The following LUZP2 variants were observed in gnomAD, a reference collection of about 807,000 sequenced individuals.
LUZP2 encodes the protein leucine zipper protein 2.
In LUZP2, 52 loss-of-function variants were observed where a neutral mutation model predicts 51.6. The observed-to-expected ratio is 1.01, with a 90% CI of 0.81 to 1.27. The LOEUF (loss-of-function observed/expected upper bound fraction) is 1.27, where lower values mean the gene tolerates loss of function less well. Among genes scored for constraint, LUZP2 ranks in the 50% most tolerant of loss-of-function variants. The pLI is 0.00. For synonymous variants in LUZP2, 154 were observed against 137.3 expected, an observed-to-expected ratio of 1.12 and a Z score of -0.85; for missense variants, 436 against 395.4, an observed-to-expected ratio of 1.10 and a Z score of -0.87.
At chr11:24,978,618 G>T (rs1450825017) in intron 8 of LUZP2, among the ~76,000 whole-genome samples, 2 of 151,594 alleles carry the variant, frequency 1.3e-5, no homozygotes, top group African/African-American at 4.8e-5. Flanking sequence ...CTAGGTACAA[G>T]GGAAAATAGA....
chr11:24,985,229 C>T (rs1357379526), intron 9 of LUZP2, among the ~76,000 whole-genome samples: 2 of 151,482 alleles, frequency 1.3e-5, no homozygotes, highest in African/African-American at 4.8e-5. Context: ...AGATTGCAGC[C>T]TAATTTTCTG....
At chr11:24,631,932 G>A (rs1854907410) in intron 1 of LUZP2, among the ~76,000 whole-genome samples, 1 of 151,966 alleles carries the variant, frequency 6.6e-6, no homozygotes, top group African/African-American at 2.4e-5. Context: ...TGAATATAAT[G>A]TACCAATTAC....
intron 1 of LUZP2, among the ~76,000 whole-genome samples, chr11:24,561,521 G>A (rs747467563): frequency 6.6e-6 from 1 of 152,036 alleles, no homozygotes. Flanking sequence ...GCAGGAACAT[G>A]GATAAAGCTG....
chr11:24,895,803 T>C (rs1853023702), intron 5 of LUZP2, among the ~76,000 whole-genome samples: 1 of 152,166 alleles, frequency 6.6e-6, no homozygotes, highest in South Asian at 2.1e-4. Context: ...AACATGTGAG[T>C]GCATGTGTCT....
chr11:24,621,912 A>G (rs1854507716), intron 1 of LUZP2, among the ~76,000 whole-genome samples: 1 of 151,532 alleles, frequency 6.6e-6, no homozygotes, highest in Non-Finnish European at 1.5e-5. Context: ...TTCTCTTTAC[A>G]TACAGTTTCT....
intron 1 of LUZP2, among the ~76,000 whole-genome samples, chr11:24,715,245 C>T (rs1857991682): frequency 7.1e-6 from 1 of 141,796 alleles, no homozygotes; most frequent in Non-Finnish European, 1.5e-5. Context: ...ATTATGGTAT[C>T]CAATTCAAGG....
rs752500955 is a variant in LUZP2 at position 24,554,983 on chromosome 11, A to G, written c.62+57678A>G. On this transcript the variant is annotated intron_variant, in intron 1 of 11. Transcript: ENST00000336930. ...CTATGGTGTCTTGAGGCATGAAGGCATGAAGTACTGCATTCATGTCAAAGG... is the reference window on the plus strand; with the variant it reads ...CTATGGTGTCTTGAGGCATGAAGGCGTGAAGTACTGCATTCATGTCAAAGG... Among the ~76,000 whole-genome samples the G allele has an allele frequency of 4.3e-4, 66 of 152,282 alleles. 1 individual carries two copies. Among genetic ancestry groups the G allele is most frequent in the Non-Finnish European group, 5.9e-5 (4 of 68,024 alleles).
rs554258509 is a variant in LUZP2, at chr11:24,645,377, ATT to A, written c.63-83791_63-83790del. 2.5e-3 allele frequency among the ~76,000 whole-genome samples: 386 copies of A among 152,270 alleles called. 2 individuals are homozygous for A. Among genetic ancestry groups the A allele is most frequent in the African/African-American group, 9.0e-3 (376 of 41,566 alleles). ...TTCTATCAAATTAGAGCTTTGCATAATTATATGGTATTGAATTATATGGTATT... is the reference window on the plus strand; with the variant it reads ...TTCTATCAAATTAGAGCTTTGCATAAATATGGTATTGAATTATATGGTATT... On this transcript the variant is annotated intron_variant, in intron 1 of 11. Coordinates refer to ENST00000336930, the MANE Select transcript of LUZP2 (RefSeq NM_001009909.4).
intron 5 of LUZP2, among the ~76,000 whole-genome samples, chr11:24,801,065 G>A (rs981210354): frequency 1.3e-5 from 2 of 152,086 alleles, no homozygotes; most frequent in Non-Finnish European, 2.9e-5. Context: ...TGGCTCAAAA[G>A]TGGAAATTTG....
intron 1 of LUZP2, among the ~76,000 whole-genome samples, chr11:24,499,948 C>G (rs1385238330): frequency 1.3e-5 from 2 of 152,130 alleles, no homozygotes; most frequent in African/African-American, 4.8e-5. Flanking sequence ...CTAATGGTAT[C>G]TAGCCCACAG....
intron 9 of LUZP2, among the ~76,000 whole-genome samples, chr11:25,004,076 G>A (rs927902990): frequency 1.3e-5 from 2 of 152,188 alleles, no homozygotes; most frequent in South Asian, 2.1e-4. Context: ...GGCCCTCAAT[G>A]GTTAAACATA....
chr11:24,881,823 A>G (rs1430244115), intron 5 of LUZP2, among the ~76,000 whole-genome samples: 2 of 152,080 alleles, frequency 1.3e-5, no homozygotes, highest in Non-Finnish European at 2.9e-5. Context: ...AAAAAGAAAA[A>G]TACAATTGTA....
chr11:24,601,445 GATAGA>G (rs1590225977), intron 1 of LUZP2, among the ~76,000 whole-genome samples: 1 of 151,942 alleles, frequency 6.6e-6, no homozygotes, highest in East Asian at 1.9e-4. Context: ...ACTATGTAAA[GATAGA>G]ATAAAGATGA....
chr11:24,499,133 G>T (rs1023787901), intron 1 of LUZP2, among the ~76,000 whole-genome samples: 9 of 152,110 alleles, frequency 5.9e-5, no homozygotes, highest in African/African-American at 2.2e-4. Flanking sequence ...TTTCACTTTA[G>T]CTTTGAAACT....
chr11:24,658,243 C>G (rs149693225), intron 1 of LUZP2, among the ~76,000 whole-genome samples: 1 of 152,136 alleles, frequency 6.6e-6, no homozygotes, highest in Non-Finnish European at 1.5e-5. Context: ...ATCAATGGAA[C>G]AGAACACAGC....
intron 7 of LUZP2, among the ~76,000 whole-genome samples, chr11:24,922,129 T>C (rs1006472781): frequency 6.6e-6 from 1 of 152,176 alleles, no homozygotes; most frequent in African/African-American, 2.4e-5. Context: ...TACTTAGTCC[T>C]TTGATAACTA....
chr11:24,984,524 T>TATATATATATATATA (rs1856130241), intron 9 of LUZP2, among the ~76,000 whole-genome samples: 2 of 90,084 alleles, frequency 2.2e-5, no homozygotes, highest in Non-Finnish European at 4.3e-5. Context: ...ATTACATATT[T>TATATATATATATATA]TATATATATA....
chr11:24,971,407 C>G (rs1333196436), intron 7 of LUZP2, among the ~76,000 whole-genome samples: 1 of 152,032 alleles, frequency 6.6e-6, no homozygotes, highest in Non-Finnish European at 1.5e-5. Flanking sequence ...AGCTGTTTAC[C>G]TCCTGCTGTG....
intron 5 of LUZP2, among the ~76,000 whole-genome samples, chr11:24,795,041 C>T (rs1486680): frequency 0.98 from 149,853 of 152,218 alleles, 73,794 homozygotes; most frequent in Non-Finnish European, 1. Flanking sequence ...TCAAACATAG[C>T]TCCTTAACTT....
Sources: allele counts gnomAD v4.1 joint callset (sites outside exome capture counted in the v4.1 genomes callset), GRCh38; gene constraint gnomAD v4.1.1; transcripts MANE v1.5; gene names NCBI Gene and HGNC (gene_info 2026-07-23, HGNC 2026-07-21).